ROBO2: variants seen among roughly 807,000 people sequenced by gnomAD.
ROBO2 encodes roundabout homolog 2.
Under a neutral mutation model 160.8 loss-of-function variants are expected in ROBO2, and 53 were observed. That is an observed-to-expected ratio of 0.33 (90% CI 0.26 to 0.41). The LOEUF (loss-of-function observed/expected upper bound fraction) is 0.41, where lower values mean the gene tolerates loss of function less well. Among genes scored for constraint, ROBO2 ranks in the 10% least tolerant of loss-of-function variants. ROBO2 has a pLI of 1.00. For missense variants in ROBO2, 1,577 were observed against 1,722.4 expected (o/e 0.92, Z 1.49); for synonymous variants, 664 against 611.7 (o/e 1.09, Z -1.26).
chr3:77,087,492 A>C (rs937868886), intron 1 of ROBO2, among the ~76,000 whole-genome samples: 1 of 152,164 alleles, frequency 6.6e-6, no homozygotes, highest in Non-Finnish European at 1.5e-5. Context: ...ACCATGTAAG[A>C]TGTAGCAAAT....
intron 2 of ROBO2, among the ~76,000 whole-genome samples, chr3:77,025,266 C>T (rs1286938585): frequency 1.3e-5 from 2 of 152,076 alleles, no homozygotes; most frequent in African/African-American, 2.4e-5. Context: ...TACTAATATG[C>T]TTAAGCCTGC....
chr3:77,186,304 G>C (rs1456599508), intron 2 of ROBO2, among the ~76,000 whole-genome samples: 1 of 151,902 alleles, frequency 6.6e-6, no homozygotes, highest in Non-Finnish European at 1.5e-5. Context: ...AAGACCAGAA[G>C]CTTTACTGGT....
chr3:77,293,779 A>T (rs2061631994), intron 2 of ROBO2, among the ~76,000 whole-genome samples: 1 of 142,564 alleles, frequency 7.0e-6, no homozygotes, highest in African/African-American at 2.8e-5. Context: ...AGTAAAATTG[A>T]TGGTTAAACG....
At chr3:76,776,970 G>A (rs1213089771) in intron 2 of ROBO2, among the ~76,000 whole-genome samples, 1 of 150,904 alleles carries the variant, frequency 6.6e-6, no homozygotes, top group African/African-American at 2.4e-5. Flanking sequence ...CACGTTCAGA[G>A]TATCTTGTTA....
At chr3:76,691,521 GA>G (rs2092802458) in intron 2 of ROBO2, among the ~76,000 whole-genome samples, 1 of 152,054 alleles carries the variant, frequency 6.6e-6, no homozygotes, top group African/African-American at 2.4e-5. Flanking sequence ...TTAATGAGCG[GA>G]AAAAAATGAT....
chr3:76,083,467 TTTTTG>T (rs1264982269), intron 2 of ROBO2, among the ~76,000 whole-genome samples: 1 of 152,124 alleles, frequency 6.6e-6, no homozygotes, highest in African/African-American at 2.4e-5. Context: ...TAAGTTTTTG[TTTTTG>T]TTTTGTTTTT....
At chr3:76,655,894 T>A (rs1240115213) in intron 2 of ROBO2, among the ~76,000 whole-genome samples, 1 of 152,078 alleles carries the variant, frequency 6.6e-6, no homozygotes, top group Admixed American at 6.5e-5. Flanking sequence ...ACATTTTTAT[T>A]GTATGACATT....
At chr3:77,486,424 T>A (rs1582377480) in intron 4 of ROBO2, among the ~76,000 whole-genome samples, 3 of 152,288 alleles carry the variant, frequency 2.0e-5, no homozygotes, top group Admixed American at 2.0e-4. Context: ...CTCACCAGCA[T>A]CTGTTGTTAC....
At chr3:76,669,690 T>C (rs899493985) in intron 2 of ROBO2, among the ~76,000 whole-genome samples, 1 of 152,326 alleles carries the variant, frequency 6.6e-6, no homozygotes, top group Middle Eastern at 3.4e-3. Flanking sequence ...TAGTTCTCCC[T>C]GGGACACAGA....
intron 2 of ROBO2, among the ~76,000 whole-genome samples, chr3:76,180,471 A>G (rs1701453190): frequency 1.3e-5 from 2 of 152,084 alleles, no homozygotes; most frequent in African/African-American, 4.8e-5. Flanking sequence ...AATCTTCACC[A>G]TCTAATTAAA....
chr3:77,169,733 C>T (rs887832697), intron 2 of ROBO2, among the ~76,000 whole-genome samples: 1 of 149,962 alleles, frequency 6.7e-6, no homozygotes, highest in Non-Finnish European at 1.5e-5. Flanking sequence ...TTTTTCTTTT[C>T]CTTTCTTTTT....
intron 2 of ROBO2, among the ~76,000 whole-genome samples, chr3:77,357,268 G>T (rs2069267387): frequency 1.3e-5 from 2 of 152,244 alleles, no homozygotes; most frequent in Middle Eastern, 6.8e-3. Context: ...TCTAGCAAAA[G>T]ACTCTGCCCT....
intron 2 of ROBO2, among the ~76,000 whole-genome samples, chr3:77,462,524 C>G (rs1281818661): frequency 6.6e-6 from 1 of 152,164 alleles, no homozygotes; most frequent in Non-Finnish European, 1.5e-5. Context: ...ATTTGTGTCA[C>G]TGAATGACTC....
chr3:77,184,449 T>C (rs1253558262), intron 2 of ROBO2, among the ~76,000 whole-genome samples: 1 of 151,984 alleles, frequency 6.6e-6, no homozygotes, highest in East Asian at 1.9e-4. Flanking sequence ...TGGAAAAATA[T>C]ATGATCCAGA....
At chr3:76,955,457 A>C (rs2079187998) in intron 2 of ROBO2, among the ~76,000 whole-genome samples, 1 of 152,148 alleles carries the variant, frequency 6.6e-6, no homozygotes, top group South Asian at 2.1e-4. Context: ...CACGGTAACT[A>C]TACCATTTTA....
At chr3:76,739,124 T>C (rs2093760239) in intron 2 of ROBO2, among the ~76,000 whole-genome samples, 1 of 152,158 alleles carries the variant, frequency 6.6e-6, no homozygotes, top group South Asian at 2.1e-4. Context: ...GCCATCTCAT[T>C]ACTGGGTATA....
intron 2 of ROBO2, among the ~76,000 whole-genome samples, chr3:76,389,971 A>C (rs2108632960): frequency 6.6e-6 from 1 of 152,306 alleles, no homozygotes; most frequent in East Asian, 1.9e-4. Flanking sequence ...AGCAAATTGC[A>C]GTCATTCTTC....
At chr3:76,668,327 C>G (rs1281388211) in intron 2 of ROBO2, among the ~76,000 whole-genome samples, 1 of 152,056 alleles carries the variant, frequency 6.6e-6, no homozygotes, top group Non-Finnish European at 1.5e-5. Context: ...GGGCTTGTCT[C>G]AATCTCCTGG....
intron 2 of ROBO2, among the ~76,000 whole-genome samples, chr3:77,461,034 G>A (rs2082184425): frequency 6.6e-6 from 1 of 151,854 alleles, no homozygotes; most frequent in Non-Finnish European, 1.5e-5. Flanking sequence ...CATTTTAAAT[G>A]ATTTTCAATT....
Sources: gnomAD v4.1 joint callset for allele counts (sites outside exome capture counted in the v4.1 genomes callset) on GRCh38, gnomAD v4.1.1 for gene constraint, MANE v1.5 for transcripts, NCBI Gene and HGNC (gene_info 2026-07-23, HGNC 2026-07-21) for gene names.